The following ITGAM variants were observed in gnomAD, a reference collection of about 807,000 sequenced individuals.
ITGAM encodes the protein integrin alpha-M.
Under a neutral mutation model 137.5 loss-of-function variants are expected in ITGAM, and 79 were observed. The observed-to-expected ratio is 0.57, with a 90% CI of 0.48 to 0.69. The LOEUF (loss-of-function observed/expected upper bound fraction) is 0.69. Among genes scored for constraint, ITGAM ranks in the 30% least tolerant of loss-of-function variants. The pLI is 0.00. For missense variants in ITGAM, 1,343 were observed against 1,483.5 expected (o/e 0.91, Z 1.56); for synonymous variants, 583 against 592.3 (o/e 0.98, Z 0.23).
In ITGAM at chr16:31,331,800, G is replaced by A; in HGVS notation, c.*93G>A. 2.0e-6 allele frequency: 2 copies of A among 976,660 alleles called. No individual in the cohort carries two copies. Among genetic ancestry groups the A allele is most frequent in the African/African-American group, 1.6e-5 (1 of 60,620 alleles). The allele number at this position is 976,660 out of a possible 1,614,324, so 60.5% of individuals were successfully genotyped here. On this transcript the variant is annotated 3_prime_UTR_variant, in exon 30 of 30. Transcript: ENST00000544665. Reference sequence around the variant, plus strand: ...CAGGCTGCTGGACACGTCGGACAGCGAAGTATCCCCGACAGGACGGGCTTG... The same window carrying A: ...CAGGCTGCTGGACACGTCGGACAGCAAAGTATCCCCGACAGGACGGGCTTG...
intron 14 of ITGAM, among the ~76,000 whole-genome samples, chr16:31,305,429 CAA>C (rs1567269795): frequency 6.6e-6 from 1 of 152,086 alleles, no homozygotes; most frequent in Non-Finnish European, 1.5e-5. Context: ...TCCTCTTTTC[CAA>C]TTTGGACCCC....
rs973135810 is a variant in ITGAM, at chr16:31,329,911, C to A, written c.2976+6C>A. 7 of 1,556,910 alleles carry A rather than the reference C, an allele frequency of 4.5e-6. No individual in the cohort carries two copies. Among genetic ancestry groups the A allele is most frequent in the East Asian group, 2.4e-5 (1 of 41,414 alleles). ...CCCAGGTCACCTTCTCCGAGGTGAGCGGAGCTCGGCCTGACTCCTGCACGG... is the reference window on the plus strand; with the variant it reads ...CCCAGGTCACCTTCTCCGAGGTGAGAGGAGCTCGGCCTGACTCCTGCACGG... On this transcript the variant is annotated splice_donor_region_variant and intron_variant, in intron 25 of 29. Transcript: ENST00000544665.
intron 22 of ITGAM, chr16:31,327,903 T>G (rs1195740636): frequency 3.9e-6 from 2 of 516,434 alleles, no homozygotes; most frequent in Non-Finnish European, 7.1e-6. Context: ...TCAGGAGGGC[T>G]GGCGATTGGG....
At chr16:31,303,864 C>T (rs930528554) in intron 14 of ITGAM, among the ~76,000 whole-genome samples, 9 of 152,036 alleles carry the variant, frequency 5.9e-5, no homozygotes, top group Admixed American at 2.0e-4. Flanking sequence ...ACTCATTGGT[C>T]GACGGGTACC....
rs1275418519 is a variant in ITGAM, at chr16:31,276,736, A to G, written c.1075A>G (p.Ile359Val). ...GTCTCAGGAAGGCTTCAGCGCTGCC[A>G]TCACCTCTGTAAGTGGCCCTTCATT... ...EMSQEGFSAAITSNGPLLSTV... is the reference protein window; with the variant it reads ...EMSQEGFSAAVTSNGPLLSTV... The change falls in exon 10 of 30, where the codon ATC (isoleucine) becomes GTC (valine). Residue 359 changes from isoleucine to valine, a missense_variant. By Grantham distance (29) the Ile-to-Val change is conservative. Transcript: ENST00000544665. 1 of 1,610,722 alleles carries G rather than the reference A, an allele frequency of 6.2e-7. No individual in the cohort carries two copies. The highest frequency in any genetic ancestry group is 8.5e-7 in the Non-Finnish European group (1 of 1,178,484).
chr16:31,281,255 CCT>C (rs2079965773), intron 12 of ITGAM, among the ~76,000 whole-genome samples: 1 of 152,078 alleles, frequency 6.6e-6, no homozygotes, highest in Admixed American at 6.6e-5. Context: ...GGGAGGATTC[CCT>C]GTTTTTCTAT....
intron 12 of ITGAM, among the ~76,000 whole-genome samples, chr16:31,286,655 A>C (rs2080032813): frequency 6.6e-6 from 1 of 152,116 alleles, no homozygotes; most frequent in African/African-American, 2.4e-5. Context: ...TTCCTTTGAG[A>C]AGTGTCTGTT....
intron 12 of ITGAM, among the ~76,000 whole-genome samples, chr16:31,288,620 A>G (rs2080053678): frequency 6.6e-6 from 1 of 152,242 alleles, no homozygotes; most frequent in Non-Finnish European, 1.5e-5. Context: ...AGATGGATTA[A>G]AAGCTTATAT....
intron 14 of ITGAM, among the ~76,000 whole-genome samples, chr16:31,312,706 G>A (rs1183893554): frequency 2.0e-5 from 3 of 152,046 alleles, no homozygotes; most frequent in Admixed American, 6.6e-5. Context: ...TGGGACTACT[G>A]GTGTGAGCCA....
At position 31,331,809 on chromosome 16, in the gene ITGAM, C is replaced by T; in HGVS notation, c.*102C>T. The T allele has an allele frequency of 1.1e-6, 1 of 885,398 alleles. No homozygotes were observed. The highest frequency in any genetic ancestry group is 1.7e-6 in the Non-Finnish European group (1 of 576,142). 54.8% of individuals were successfully genotyped at this position (885,398 alleles called of 1,614,324 possible). A position where few individuals can be genotyped will look rare whatever the true frequency, so the allele number is the denominator to read the frequency against. On this transcript the variant is annotated 3_prime_UTR_variant, in exon 30 of 30. Transcript: ENST00000544665. Reference sequence around the variant, plus strand: ...GGACACGTCGGACAGCGAAGTATCCCCGACAGGACGGGCTTGGGCTTCCAT... The same window carrying T: ...GGACACGTCGGACAGCGAAGTATCCTCGACAGGACGGGCTTGGGCTTCCAT...
At chr16:31,276,260 C>G (rs964966669) in intron 9 of ITGAM, among the ~76,000 whole-genome samples, 1 of 152,150 alleles carries the variant, frequency 6.6e-6, no homozygotes, top group Non-Finnish European at 1.5e-5. Context: ...CTGTCGGAGT[C>G]TCCTTTGTCT....
At chr16:31,264,358 G>A (rs2079740005) in intron 2 of ITGAM, among the ~76,000 whole-genome samples, 1 of 152,050 alleles carries the variant, frequency 6.6e-6, no homozygotes, top group Non-Finnish European at 1.5e-5. Context: ...GAGACAGGAG[G>A]AATGCTTGAA....
chr16:31,296,564 T>A (rs772159574), intron 12 of ITGAM, among the ~76,000 whole-genome samples: 1 of 152,182 alleles, frequency 6.6e-6, no homozygotes, highest in African/African-American at 2.4e-5. Flanking sequence ...TATCAATGAG[T>A]CTTCCCTCAA....
chr16:31,304,077 A>G (rs1183246462), intron 14 of ITGAM, among the ~76,000 whole-genome samples: 2 of 152,148 alleles, frequency 1.3e-5, no homozygotes, highest in African/African-American at 4.8e-5. Context: ...TTACATTCCC[A>G]CCAGCAGTGT....
At chr16:31,277,366 T>A (rs2079919434) in intron 11 of ITGAM, among the ~76,000 whole-genome samples, 1 of 151,692 alleles carries the variant, frequency 6.6e-6, no homozygotes, top group South Asian at 2.1e-4. Flanking sequence ...CTAATTTTTT[T>A]TTTTTTTTCG....
rs189988398 is a variant in ITGAM at position 31,297,669 on chromosome 16, G to T, written c.1497+15G>T. ...TGCCCAGGGGGGTGAGTGGCAATGGGACCTGGGCTGGGTGGGGCCCGGTGT... is the reference window on the plus strand; with the variant it reads ...TGCCCAGGGGGGTGAGTGGCAATGGTACCTGGGCTGGGTGGGGCCCGGTGT... On this transcript the variant is annotated intron_variant, in intron 13 of 29. Transcript: ENST00000544665. 4.0e-3 allele frequency: 6,464 copies of T among 1,610,918 alleles called. 15 individuals are homozygous for T. Among genetic ancestry groups the T allele is most frequent in the Non-Finnish European group, 5.2e-3 (6,123 of 1,178,848 alleles).
intron 12 of ITGAM, among the ~76,000 whole-genome samples, chr16:31,287,612 T>G (rs1444186371): frequency 6.6e-6 from 1 of 152,172 alleles, no homozygotes; most frequent in East Asian, 1.9e-4. Context: ...GTACTTCATT[T>G]TTCGTTTCTG....
At chr16:31,303,483 G>T (rs2080236018) in intron 14 of ITGAM, among the ~76,000 whole-genome samples, 1 of 152,100 alleles carries the variant, frequency 6.6e-6, no homozygotes, top group South Asian at 2.1e-4. Flanking sequence ...AACTTTTGGG[G>T]TACAAGTGCT....
Position 31,331,945 on chromosome 16 carries a change from GCAAGTATGTGAGTGTGTC to G in ITGAM, c.*244_*261del. On this transcript the variant is annotated 3_prime_UTR_variant, in exon 30 of 30. Transcript: ENST00000544665. Reference sequence around the variant, plus strand: ...CTTGCACGCCCATGTGTGAGTGTGTGCAAGTATGTGAGTGTGTCCAAGTGTGTGTGCGTGTGTCCATGT... The same window carrying G: ...CTTGCACGCCCATGTGTGAGTGTGTGCAAGTGTGTGTGCGTGTGTCCATGT... The G allele has an allele frequency of 3.6e-6, 2 of 560,980 alleles. No homozygotes were observed. The highest frequency in any genetic ancestry group is 3.2e-6 in the Non-Finnish European group (1 of 317,230). 34.8% of individuals were successfully genotyped at this position (560,980 alleles called of 1,614,324 possible). A position where few individuals can be genotyped will look rare whatever the true frequency, so the allele number is the denominator to read the frequency against.
Sources: allele counts gnomAD v4.1 joint callset (sites outside exome capture counted in the v4.1 genomes callset), GRCh38; gene constraint gnomAD v4.1.1; transcripts MANE v1.5; gene names NCBI Gene and HGNC (gene_info 2026-07-23, HGNC 2026-07-21).